Variants in EBF1 observed in about 807,000 individuals in gnomAD.
EBF1 encodes transcription factor COE1.
Under a neutral mutation model 68.4 loss-of-function variants are expected in EBF1, and 10 were observed. The ratio of observed to expected loss-of-function variants is 0.15; its 90% CI spans 0.09 to 0.25. The LOEUF is 0.25. Ranked by LOEUF, EBF1 falls within the 10% of genes least tolerant of loss-of-function variation. EBF1 has a pLI of 1.00. For synonymous variants in EBF1, 298 were observed against 299.8 expected, an observed-to-expected ratio of 0.99 and a Z score of 0.06; for missense variants, 509 against 794.4, an observed-to-expected ratio of 0.64 and a Z score of 4.32.
In EBF1 at chr5:159,068,566, A is replaced by G. The variant is rs1584398393; in HGVS notation, c.554+4830T>C. On this transcript the variant is annotated intron_variant, in intron 6 of 15. Transcript: ENST00000313708. ...CTGCACTTTTCTGAAAAGTCTTACC[A>G]CAGAATTTACACCTCTTAGAAAAAG... Among the ~76,000 whole-genome samples the G allele has an allele frequency of 2.0e-5, 3 of 152,202 alleles. No homozygotes were observed. The East Asian group carries it at 5.8e-4, about 29-fold the overall frequency.
intron 10 of EBF1, among the ~76,000 whole-genome samples, chr5:158,741,073 T>C (rs1277002158): frequency 6.6e-6 from 1 of 152,228 alleles, no homozygotes; most frequent in Admixed American, 6.5e-5. Flanking sequence ...AAAAAATATA[T>C]AACATTTTAT....
chr5:158,764,645 C>T (rs757558814), intron 10 of EBF1, among the ~76,000 whole-genome samples: 10 of 152,232 alleles, frequency 6.6e-5, no homozygotes, highest in Non-Finnish European at 1.3e-4. Flanking sequence ...GGTGATAGCG[C>T]TGTCAATAAA....
chr5:159,090,673 A>G (rs923932559), intron 4 of EBF1, among the ~76,000 whole-genome samples: 1 of 152,162 alleles, frequency 6.6e-6, no homozygotes, highest in Non-Finnish European at 1.5e-5. Context: ...TTCAAACACC[A>G]TAAAAAACTA....
At chr5:159,093,291 T>C (rs1781981685) in intron 4 of EBF1, among the ~76,000 whole-genome samples, 1 of 152,218 alleles carries the variant, frequency 6.6e-6, no homozygotes, top group Admixed American at 6.5e-5. Flanking sequence ...ACAATTATTA[T>C]GAAAGCACAC....
intron 6 of EBF1, among the ~76,000 whole-genome samples, chr5:158,874,795 C>T (rs1797504439): frequency 2.0e-5 from 3 of 151,972 alleles, no homozygotes; most frequent in Non-Finnish European, 2.9e-5. Flanking sequence ...AAAAAAAGGC[C>T]AGTGTTTTAC....
At chr5:158,899,909 G>T (rs1335369903) in intron 6 of EBF1, among the ~76,000 whole-genome samples, 1 of 152,030 alleles carries the variant, frequency 6.6e-6, no homozygotes, top group Non-Finnish European at 1.5e-5. Flanking sequence ...AAGAACCGTG[G>T]GTGGGAGAAG....
At chr5:158,793,127 A>G (rs898135754) in intron 9 of EBF1, among the ~76,000 whole-genome samples, 2 of 152,206 alleles carry the variant, frequency 1.3e-5, no homozygotes, top group African/African-American at 4.8e-5. Context: ...CCCAAGCTTC[A>G]ATTTCCTCAT....
intron 6 of EBF1, among the ~76,000 whole-genome samples, chr5:158,860,000 A>G (rs1453787204): frequency 2.0e-5 from 3 of 152,248 alleles, no homozygotes; most frequent in Admixed American, 6.5e-5. Context: ...CGTTTGGTGA[A>G]TAAATGAACA....
At chr5:158,836,685 A>T (rs1554153232) in intron 7 of EBF1, among the ~76,000 whole-genome samples, 2 of 152,230 alleles carry the variant, frequency 1.3e-5, no homozygotes, top group Non-Finnish European at 2.9e-5. Flanking sequence ...AAAGAAATGT[A>T]TTAATGTACA....
intron 5 of EBF1, among the ~76,000 whole-genome samples, chr5:159,074,503 C>CAG (rs1170755830): frequency 6.6e-6 from 1 of 152,192 alleles, no homozygotes. Context: ...CACGTGTACA[C>CAG]AGAGAGAGAT....
chr5:158,916,317 G>A (rs146738581), intron 6 of EBF1, among the ~76,000 whole-genome samples: 3 of 152,276 alleles, frequency 2.0e-5, no homozygotes, highest in Non-Finnish European at 4.4e-5. Flanking sequence ...CAGCATTACA[G>A]AGGCACACAA....
chr5:158,769,856 G>C (rs13173987), intron 10 of EBF1, among the ~76,000 whole-genome samples: 1 of 152,006 alleles, frequency 6.6e-6, no homozygotes, highest in Non-Finnish European at 1.5e-5. Flanking sequence ...TAAGACATGT[G>C]GACAGGAGCA....
chr5:158,882,896 A>G (rs1024428372), intron 6 of EBF1, among the ~76,000 whole-genome samples: 4 of 152,182 alleles, frequency 2.6e-5, no homozygotes, highest in African/African-American at 9.6e-5. Flanking sequence ...TGTGTTAGGA[A>G]TTTATTTATC....
intron 10 of EBF1, among the ~76,000 whole-genome samples, chr5:158,738,247 A>T (rs1175511683): frequency 6.6e-6 from 1 of 152,184 alleles, no homozygotes; most frequent in Non-Finnish European, 1.5e-5. Context: ...ATCCTCTACT[A>T]ACTGGAATGT....
At chr5:158,893,555 CT>C (rs1288103086) in intron 6 of EBF1, among the ~76,000 whole-genome samples, 1 of 152,168 alleles carries the variant, frequency 6.6e-6, no homozygotes. Flanking sequence ...GGGGAAATCC[CT>C]TTTCCTTGCT....
chr5:158,827,695 T>C (rs1490664195), intron 7 of EBF1, among the ~76,000 whole-genome samples: 1 of 152,046 alleles, frequency 6.6e-6, no homozygotes, highest in Non-Finnish European at 1.5e-5. Context: ...CATGAGCAGA[T>C]TTTCAAAAAG....
At position 158,697,202 on chromosome 5, in the gene EBF1, G is replaced by A. The variant is rs1755908638; in HGVS notation, c.*1909C>T. 5.2e-6 allele frequency: 1 copy of A among 192,922 alleles called. No homozygotes were observed. The highest frequency in any genetic ancestry group is 1.1e-5 in the Non-Finnish European group (1 of 92,882). The allele number at this position is 192,922 out of a possible 1,614,324, so 12.0% of individuals were successfully genotyped here. A position where few individuals can be genotyped will look rare whatever the true frequency, so the allele number is the denominator to read the frequency against. Reference sequence around the variant, plus strand: ...AAACAGCATTAGGGTTGTTTTGTAAGCTTCCAAAGCAAAGGATACATTTTT... The same window carrying A: ...AAACAGCATTAGGGTTGTTTTGTAAACTTCCAAAGCAAAGGATACATTTTT... On this transcript the variant is annotated 3_prime_UTR_variant, in exon 16 of 16. Transcript: ENST00000313708.
intron 6 of EBF1, among the ~76,000 whole-genome samples, chr5:158,952,731 T>C (rs1189667505): frequency 1.3e-5 from 2 of 152,224 alleles, no homozygotes; most frequent in Non-Finnish European, 2.9e-5. Flanking sequence ...ACAAAAGCTG[T>C]TTTCATTTTT....
chr5:158,741,122 T>A (rs564010874), intron 10 of EBF1, among the ~76,000 whole-genome samples: 45 of 152,264 alleles, frequency 3.0e-4, no homozygotes, highest in Non-Finnish European at 5.7e-4. Flanking sequence ...GTGAAACATG[T>A]GTTCCTGGTG....
Sources: allele counts gnomAD v4.1 joint callset (sites outside exome capture counted in the v4.1 genomes callset), GRCh38; gene constraint gnomAD v4.1.1; transcripts MANE v1.5; gene names NCBI Gene and HGNC (gene_info 2026-07-23, HGNC 2026-07-21).